Variants in ZNF528 observed in about 807,000 individuals in gnomAD.
The protein encoded by ZNF528 is zinc finger protein 528.
A neutral mutation model predicts 13.3 loss-of-function variants in ZNF528; 9 were observed. That is an observed-to-expected ratio of 0.67 (90% CI 0.41 to 1.18). The LOEUF (loss-of-function observed/expected upper bound fraction) is 1.18. Ranked by LOEUF, ZNF528 falls within the 50% of genes most tolerant of loss-of-function variation. The pLI is 0.01. For synonymous variants in ZNF528, 264 were observed against 254.3 expected (o/e 1.04, Z -0.36); for missense variants, 858 against 745.4 (o/e 1.15, Z -1.76).
chr19:52,415,434 CT>C lies in ZNF528; in HGVS notation c.585del (p.Phe195LeufsTer11). The C allele has an allele frequency of 5.0e-6, 8 of 1,614,208 alleles. No homozygotes were observed. The highest frequency in any genetic ancestry group is 6.8e-6 in the Non-Finnish European group (8 of 1,180,046). On this transcript the variant is annotated frameshift_variant, in exon 7 of 7. Coordinates refer to ENST00000360465, the MANE Select transcript of ZNF528 (RefSeq NM_032423.3). LOFTEE classifies it low-confidence loss of function (END_TRUNC). ...ATAAATGTAATGAGCACGGCCAAGT[CT>C]TTAGAGCATCTGCAAGCCTTACTAA... ...AYKCNEHGQV[F>X]RASASLTNQV...
rs2059012355 is a variant in ZNF528 at position 52,416,911 on chromosome 19, A to C, written c.*172A>C. The C allele has an allele frequency of 1.5e-6, 1 of 646,208 alleles. No individual in the cohort carries two copies. The allele number at this position is 646,208 out of a possible 1,614,324, so 40.0% of individuals were successfully genotyped here. On this transcript the variant is annotated 3_prime_UTR_variant, in exon 7 of 7. Transcript: ENST00000360465. ...ACATCACTGTGGAGGATGAAAGCACACAGATGAATTGTGTGTACTTGGGCT... is the reference window on the plus strand; with the variant it reads ...ACATCACTGTGGAGGATGAAAGCACCCAGATGAATTGTGTGTACTTGGGCT...
At chr19:52,402,692 A>AC (rs2058809434) in intron 4 of ZNF528, 1 of 151,746 alleles carries the variant, frequency 6.6e-6, no homozygotes, top group Non-Finnish European at 1.5e-5. Flanking sequence ...GTGAGCCACC[A>AC]CCCCCAGCCA....
At chr19:52,405,078 G>A (rs1034282294) in intron 4 of ZNF528, among the ~76,000 whole-genome samples, 3 of 151,834 alleles carry the variant, frequency 2.0e-5, no homozygotes, top group African/African-American at 7.3e-5. Context: ...TTAGCTGGTC[G>A]TGGTGGCAGG....
rs749157049 is a variant in ZNF528 at position 52,416,269 on chromosome 19, G to C, written c.1417G>C (p.Val473Leu). The change falls in exon 7 of 7, where the codon GTC (valine) becomes CTC (leucine). Residue 473 changes from valine to leucine, a missense_variant. Transcript: ENST00000360465. ...TTATGAATGTAAAGAATGTGGCAAA[G>C]TCTTCAGGTACAAGTCTTCTCTAAC... The part of the protein sequence containing the change: ...KPYECKECGK[V>L]FRYKSSLTSH... The C allele has an allele frequency of 1.9e-6, 3 of 1,613,936 alleles. No homozygotes were observed. In the Admixed American group the frequency reaches 5.0e-5, roughly 27 times the overall value.
intron 6 of ZNF528, chr19:52,413,749 C>T (rs2058962152): frequency 6.5e-6 from 1 of 152,824 alleles, no homozygotes; most frequent in Admixed American, 6.5e-5. Flanking sequence ...ACAACAGATT[C>T]TTTCAGATTT....
In ZNF528 at chr19:52,398,404, G is replaced by A. The variant is rs1405530936; in HGVS notation, c.-352G>A. 2 of 185,676 alleles carry A rather than the reference G, an allele frequency of 1.1e-5. No individual in the cohort carries two copies. The highest frequency in any genetic ancestry group is 6.5e-5 in the Admixed American group (1 of 15,334). 11.5% of individuals were successfully genotyped at this position (185,676 alleles called of 1,614,324 possible). A position where few individuals can be genotyped will look rare whatever the true frequency, so the allele number is the denominator to read the frequency against. The stretch of plus-strand genomic sequence containing the variant: ...CAGCCACCGGTTCTCCTGACCCCGA[G>A]TGTGGGGGGTGACTTCAGTCTCCTG... On this transcript the variant is annotated 5_prime_UTR_variant, in exon 2 of 7. It adds an upstream start codon to the 5' untranslated region. Transcript: ENST00000360465.
rs956496168 is a variant in ZNF528 at position 52,417,228 on chromosome 19, C to T, written c.*489C>T. On this transcript the variant is annotated 3_prime_UTR_variant, in exon 7 of 7. Coordinates refer to ENST00000360465, the MANE Select transcript of ZNF528 (RefSeq NM_032423.3). Reference sequence around the variant, plus strand: ...TCCATACAGGCCATTCACTGTGGTCCCTGGGAAAGAATCAGTAGGATGACA... The same window carrying T: ...TCCATACAGGCCATTCACTGTGGTCTCTGGGAAAGAATCAGTAGGATGACA... The T allele has an allele frequency of 3.4e-6, 1 of 294,530 alleles. No homozygotes were observed. Among genetic ancestry groups the T allele is most frequent in the South Asian group, 3.1e-5 (1 of 32,146 alleles). The allele number at this position is 294,530 out of a possible 1,614,324, so 18.2% of individuals were successfully genotyped here. A position where few individuals can be genotyped will look rare whatever the true frequency, so the allele number is the denominator to read the frequency against.
At chr19:52,398,850 C>T (rs115081889) in intron 2 of ZNF528, among the ~76,000 whole-genome samples, 2,233 of 152,048 alleles carry the variant, frequency 0.015, 58 homozygotes, top group African/African-American at 0.05. Context: ...ACAAGGAGAA[C>T]AGGGAGAACC....
chr19:52,408,397 C>G (rs1301597032), intron 6 of ZNF528: 2 of 151,998 alleles, frequency 1.3e-5, no homozygotes, highest in Non-Finnish European at 2.9e-5. Context: ...AACTCCTGAC[C>G]TCAAGTGATC....
intron 4 of ZNF528, 89 bp from the exon 5 acceptor site, chr19:52,405,818 G>A (rs2058848979): frequency 6.5e-7 from 1 of 1,529,824 alleles, no homozygotes; most frequent in Non-Finnish European, 9.0e-7. Context: ...CACATAAGTG[G>A]AGTCAGTCCT....
At chr19:52,402,361 G>A in intron 4 of ZNF528, 1 of 400,302 alleles carries the variant, frequency 2.5e-6, no homozygotes, top group Non-Finnish European at 4.5e-6. Context: ...GTGTTCTGTG[G>A]ACTAGAATTA....
At chr19:52,401,633 A>G in intron 2 of ZNF528, 52 bp from the exon 3 acceptor site, 5 of 1,226,514 alleles carry the variant, frequency 4.1e-6, no homozygotes, top group Non-Finnish European at 5.2e-6. Context: ...GATTTTAGGA[A>G]TCACAGTTTA....
intron 6 of ZNF528, among the ~76,000 whole-genome samples, chr19:52,411,197 G>C (rs1370434393): frequency 6.6e-6 from 1 of 152,120 alleles, no homozygotes; most frequent in Admixed American, 6.6e-5. Context: ...CTACAAAATG[G>C]TGACATAATG....
rs1443079920 is a variant in ZNF528, at chr19:52,415,693, A to G, written c.841A>G (p.Ser281Gly). Residue 281 changes from serine to glycine, a missense_variant, in exon 7 of 7, where the codon AGT becomes GGT. Coordinates refer to ENST00000360465, the MANE Select transcript of ZNF528 (RefSeq NM_032423.3). ...TGAATGTGACAAGGTCTTTCGAAGC[A>G]GTTCAAAGCTTGCACAACATCAAAG... ...CHECDKVFRSSSKLAQHQRIH... is the reference protein window; with the variant it reads ...CHECDKVFRSGSKLAQHQRIH... 1 of 1,614,068 alleles carries G rather than the reference A, an allele frequency of 6.2e-7. No individual in the cohort carries two copies. The highest frequency in any genetic ancestry group is 1.3e-5 in the African/African-American group (1 of 74,946).
At chr19:52,406,392 T>TC (rs1192314245) in intron 5 of ZNF528, 123 bp from the exon 6 acceptor site, 8 of 1,391,204 alleles carry the variant, frequency 5.8e-6, no homozygotes, top group Non-Finnish European at 6.7e-6. Context: ...AAAGAGGCAG[T>TC]CAGTAGATGA....
chr19:52,399,044 A>C (rs2058761346), intron 2 of ZNF528, among the ~76,000 whole-genome samples: 1 of 152,172 alleles, frequency 6.6e-6, no homozygotes, highest in Non-Finnish European at 1.5e-5. Context: ...AGGTGAAACA[A>C]GTTGTAAAAA....
chr19:52,414,240 C>G (rs971679234), intron 6 of ZNF528: 2 of 702,454 alleles, frequency 2.8e-6, no homozygotes, highest in Non-Finnish European at 5.2e-6. Flanking sequence ...TGTTCACGTC[C>G]TCAAAGTCCT....
Position 52,399,242 on chromosome 19 carries a change from A to G in ZNF528, c.-137+623A>G, listed in dbSNP as rs1240332820. Among the ~76,000 whole-genome samples, 4 of 152,338 alleles carry G rather than the reference A, an allele frequency of 2.6e-5. No homozygotes were observed. The East Asian group carries it at 5.8e-4, about 22-fold the overall frequency. On this transcript the variant is annotated intron_variant, in intron 2 of 6. Transcript: ENST00000360465. Reference sequence around the variant, plus strand: ...GTGAGGAAAGAGGGGGACCCTGGTTACAGATGAGTGGTGAGTTGATTGGAA... The same window carrying G: ...GTGAGGAAAGAGGGGGACCCTGGTTGCAGATGAGTGGTGAGTTGATTGGAA...
In ZNF528 at chr19:52,416,768, A is replaced by G. The variant is rs1454592275; in HGVS notation, c.*29A>G. On this transcript the variant is annotated 3_prime_UTR_variant, in exon 7 of 7. Coordinates refer to ENST00000360465, the MANE Select transcript of ZNF528 (RefSeq NM_032423.3). ...TCCCTACAAACTGTATGGCAAAACCATCATCATGAGTTCTAGCATTAATCA... is the reference window on the plus strand; with the variant it reads ...TCCCTACAAACTGTATGGCAAAACCGTCATCATGAGTTCTAGCATTAATCA... 2.6e-6 allele frequency: 4 copies of G among 1,556,488 alleles called. No individual in the cohort carries two copies. In the African/African-American group the frequency reaches 5.5e-5, roughly 21 times the overall value.
Sources: gnomAD v4.1 joint callset for allele counts (sites outside exome capture counted in the v4.1 genomes callset) on GRCh38, gnomAD v4.1.1 for gene constraint, MANE v1.5 for transcripts, NCBI Gene and HGNC (gene_info 2026-07-23, HGNC 2026-07-21) for gene names.